The following CARMIL1 variants were observed in gnomAD, a reference collection of about 807,000 sequenced individuals.
CARMIL1 encodes the protein F-actin-uncapping protein LRRC16A.
In CARMIL1, 90 loss-of-function variants were observed where a neutral mutation model predicts 177.1. That is an observed-to-expected ratio of 0.51 (90% CI 0.43 to 0.61). CARMIL1 has a LOEUF of 0.61. Among genes scored for constraint, CARMIL1 ranks in the 20% least tolerant of loss-of-function variants. The probability of loss-of-function intolerance (pLI) is 0.00; values close to 1 mark genes in which losing one functional copy is unlikely to be tolerated. For missense variants in CARMIL1, 1,380 were observed against 1,667.0 expected, an observed-to-expected ratio of 0.83 and a Z score of 3.00; for synonymous variants, 577 against 606.2, an observed-to-expected ratio of 0.95 and a Z score of 0.71.
intron 2 of CARMIL1, among the ~76,000 whole-genome samples, chr6:25,307,134 G>A (rs1006452364): frequency 2.0e-5 from 3 of 152,092 alleles, no homozygotes; most frequent in Non-Finnish European, 2.9e-5. Flanking sequence ...GCCTGCCTTG[G>A]TCTCCCAAAG....
intron 13 of CARMIL1, 29 bp downstream of exon 13, chr6:25,488,614 C>A (rs529960655): frequency 6.6e-7 from 1 of 1,525,888 alleles, no homozygotes; most frequent in South Asian, 1.1e-5. Flanking sequence ...ATTCCATCTT[C>A]GAAGAAGCTG....
intron 31 of CARMIL1, among the ~76,000 whole-genome samples, chr6:25,583,128 T>G (rs186193762): frequency 3.3e-5 from 5 of 152,314 alleles, no homozygotes; most frequent in Non-Finnish European, 1.5e-5. Flanking sequence ...CTCTGAAGAC[T>G]TGGGGACAGA....
intron 2 of CARMIL1, among the ~76,000 whole-genome samples, chr6:25,313,335 T>G (rs1248949559): frequency 6.6e-6 from 1 of 152,202 alleles, no homozygotes; most frequent in Non-Finnish European, 1.5e-5. Context: ...AGAACGGGTT[T>G]CTTCTTCAGA....
Position 25,364,811 on chromosome 6 carries a change from C to T in CARMIL1, c.139-55303C>T, listed in dbSNP as rs1465645037. Among the ~76,000 whole-genome samples, 3 of 152,088 alleles carry T rather than the reference C, an allele frequency of 2.0e-5. No individual in the cohort carries two copies. The East Asian group carries it at 5.8e-4, about 29-fold the overall frequency. On this transcript the variant is annotated intron_variant, in intron 2 of 36. Transcript: ENST00000329474. ...AACTCCTGAGCTCAGGTGATCCATCCGCCTCGGCCTCCCAAAGTGCTGGGG... is the reference window on the plus strand; with the variant it reads ...AACTCCTGAGCTCAGGTGATCCATCTGCCTCGGCCTCCCAAAGTGCTGGGG...
At chr6:25,448,916 CTTTTT>C (rs36000360) in intron 5 of CARMIL1, among the ~76,000 whole-genome samples, 1 of 126,450 alleles carries the variant, frequency 7.9e-6, no homozygotes, top group Non-Finnish European at 1.7e-5. Flanking sequence ...AGGGATTCTT[CTTTTT>C]TTTTTTTTTT....
intron 8 of CARMIL1, chr6:25,451,986 G>GCCCCCCCCACCCC: frequency 8.9e-6 from 1 of 112,672 alleles, no homozygotes; most frequent in South Asian, 7.1e-5. Context: ...CTAGCATCTT[G>GCCCCCCCCACCCC]CCCCCCCCTC....
intron 1 of CARMIL1, among the ~76,000 whole-genome samples, chr6:25,281,136 G>GCGCGCACACACA (rs10642536): frequency 0.013 from 1,754 of 132,082 alleles, 13 homozygotes; most frequent in Admixed American, 0.025. Context: ...GTGCGCGCGC[G>GCGCGCACACACA]CACACACACA....
chr6:25,282,283 A>G (rs1781189674), intron 1 of CARMIL1, among the ~76,000 whole-genome samples: 1 of 152,110 alleles, frequency 6.6e-6, no homozygotes, highest in African/African-American at 2.4e-5. Flanking sequence ...TCTTAAGTCA[A>G]TTTCAGATGC....
At chr6:25,490,738 TAAATAAATAAATAAA>T (rs1328442958) in intron 13 of CARMIL1, among the ~76,000 whole-genome samples, 9 of 136,470 alleles carry the variant, frequency 6.6e-5, no homozygotes, top group East Asian at 4.6e-4. Context: ...AATAAATAAA[TAAATAAATAAATAAA>T]AAAAAATAAA....
At position 25,594,595 on chromosome 6, in the gene CARMIL1, A is replaced by C. The variant is rs1317050127; in HGVS notation, c.3119+68A>C. On this transcript the variant is annotated intron_variant, in intron 32 of 36. Transcript: ENST00000329474. ...ATTTAAATTACTAACAGTTACAATT[A>C]AACTTAGTATACTAAGTTTCATTTT... The C allele has an allele frequency of 7.8e-6, 7 of 896,878 alleles. No homozygotes were observed. The East Asian group carries it at 1.0e-4, about 13-fold the overall frequency. 55.6% of individuals were successfully genotyped at this position (896,878 alleles called of 1,614,324 possible).
intron 2 of CARMIL1, among the ~76,000 whole-genome samples, chr6:25,304,627 G>A (rs777294327): frequency 1.3e-5 from 2 of 152,144 alleles, no homozygotes; most frequent in African/African-American, 2.4e-5. Flanking sequence ...GTCACCTGCC[G>A]CTCACCTCCT....
At position 25,509,456 on chromosome 6, in the gene CARMIL1, CA is replaced by C. The variant is rs1446426964; in HGVS notation, c.1396-199del. On this transcript the variant is annotated intron_variant, in intron 17 of 36. Transcript: ENST00000329474. The surrounding 1 kb of genome is among the most constrained non-coding windows in gnomAD (Gnocchi z 4.1). ...GTTTTTAGGATTTAATGTGGGATCA[CA>C]TGGCATAGGAAACAGCAGCAATGGC... Among the ~76,000 whole-genome samples, 3 of 152,114 alleles carry C rather than the reference CA, an allele frequency of 2.0e-5. No individual in the cohort carries two copies. Among genetic ancestry groups the C allele is most frequent in the African/African-American group, 2.4e-5 (1 of 41,414 alleles).
At chr6:25,534,913 GC>G (rs766385176) in intron 24 of CARMIL1, among the ~76,000 whole-genome samples, 15 of 152,182 alleles carry the variant, frequency 9.9e-5, no homozygotes, top group Non-Finnish European at 1.8e-4. Flanking sequence ...TAAGCTGTTT[GC>G]TGGAAATAAG....
chr6:25,569,997 G>A (rs1046457175), intron 29 of CARMIL1, among the ~76,000 whole-genome samples: 5 of 150,732 alleles, frequency 3.3e-5, no homozygotes, highest in Non-Finnish European at 7.4e-5. Context: ...TTTTTGAGAC[G>A]GAGTCTCGCT....
intron 8 of CARMIL1, among the ~76,000 whole-genome samples, chr6:25,461,494 T>C (rs1582035000): frequency 6.6e-6 from 1 of 152,226 alleles, no homozygotes; most frequent in South Asian, 2.1e-4. Flanking sequence ...GTTCCATGGG[T>C]GAGCTTTCCA....
chr6:25,459,256 T>TTCTC (rs1270254958), intron 8 of CARMIL1, among the ~76,000 whole-genome samples: 1 of 119,926 alleles, frequency 8.3e-6, no homozygotes, highest in Non-Finnish European at 1.7e-5. Flanking sequence ...CTTTCTTTCT[T>TTCTC]TCTTTCTTTC....
intron 11 of CARMIL1, among the ~76,000 whole-genome samples, chr6:25,473,583 C>A (rs187936802): frequency 2.6e-5 from 4 of 152,190 alleles, no homozygotes; most frequent in Admixed American, 2.0e-4. Context: ...ATTGACTAGG[C>A]TGAGGAGAAG....
chr6:25,333,437 G>A (rs71555190), intron 2 of CARMIL1, among the ~76,000 whole-genome samples: 20,475 of 152,048 alleles, frequency 0.13, 1,411 homozygotes, highest in Middle Eastern at 0.19. Context: ...AGTGATGAGT[G>A]CAGCTGTAGT....
chr6:25,426,259 C>T, intron 3 of CARMIL1, among the ~76,000 whole-genome samples: 1 of 152,098 alleles, frequency 6.6e-6, no homozygotes, highest in East Asian at 1.9e-4. Context: ...GTGCATGCAG[C>T]TTCCTTTCTT....
Sources: allele counts gnomAD v4.1 joint callset (sites outside exome capture counted in the v4.1 genomes callset), GRCh38; gene constraint gnomAD v4.1.1; non-coding constraint Gnocchi (gnomAD v3.1); transcripts MANE v1.5; gene names NCBI Gene and HGNC (gene_info 2026-07-23, HGNC 2026-07-21).